Variants in FBXO43 observed in about 807,000 individuals in gnomAD.
The protein encoded by FBXO43 is F-box protein 43.
In FBXO43, 22 loss-of-function variants were observed where a neutral mutation model predicts 56.7. That is an observed-to-expected ratio of 0.39 (90% CI 0.28 to 0.55). The LOEUF (loss-of-function observed/expected upper bound fraction) is 0.55. FBXO43 is among the 20% of genes least tolerant of loss of function. The pLI is 0.66. For missense variants in FBXO43, 733 were observed against 814.9 expected, an observed-to-expected ratio of 0.90 and a Z score of 1.22; for synonymous variants, 306 against 294.5, an observed-to-expected ratio of 1.04 and a Z score of -0.40.
In FBXO43 at chr8:100,145,130, A is replaced by T; in HGVS notation, c.6T>A (p.Ser2Arg). 1 of 1,609,316 alleles carries T rather than the reference A, an allele frequency of 6.2e-7. No homozygotes were observed. Among genetic ancestry groups the T allele is most frequent in the Non-Finnish European group, 8.5e-7 (1 of 1,178,238 alleles). The change falls in exon 1 of 5, where the codon AGT (serine) becomes AGA (arginine). Residue 2 changes from serine to arginine, a missense_variant. Ser to Arg is a moderately radical substitution (Grantham distance 110, BLOSUM62 -1). Transcript: ENST00000428847. ...AAATTCTCTCATCTTTGTCTTTAAA[A>T]CTCATGCCAAAATAATGCCACTTAA... The part of the protein sequence containing the change: M[S>R]FKDKDERISC...
At chr8:100,139,646 A>C (rs370851560) in intron 2 of FBXO43, among the ~76,000 whole-genome samples, 172 of 152,298 alleles carry the variant, frequency 1.1e-3, no homozygotes, top group African/African-American at 4.1e-3. Flanking sequence ...TGGCATGAAC[A>C]GAGTCTCATT....
intron 2 of FBXO43, among the ~76,000 whole-genome samples, chr8:100,140,049 C>G (rs1325268504): frequency 6.6e-6 from 1 of 152,042 alleles, no homozygotes; most frequent in African/African-American, 2.4e-5. Flanking sequence ...TAAACAACTT[C>G]CATGGAATAG....
At chr8:100,148,724 T>G (rs915669443), upstream of FBXO43, among the ~76,000 whole-genome samples, 1 of 151,176 alleles carries the variant, frequency 6.6e-6, no homozygotes, top group Non-Finnish European at 1.5e-5. Flanking sequence ...TTTGCTTTCC[T>G]TTCTTGCATT....
At chr8:100,143,770 T>A (rs1814729603) in intron 1 of FBXO43, among the ~76,000 whole-genome samples, 1 of 151,654 alleles carries the variant, frequency 6.6e-6, no homozygotes, top group South Asian at 2.1e-4. Context: ...TTTTTAATTT[T>A]TAATTTTTTT....
intron 1 of FBXO43, among the ~76,000 whole-genome samples, chr8:100,144,558 C>G (rs1403726607): frequency 6.7e-6 from 1 of 150,306 alleles, no homozygotes; most frequent in East Asian, 2.0e-4. Flanking sequence ...CAAGCCTCTT[C>G]GATATTCATT....
chr8:100,136,378 T>C (rs1450750241), intron 3 of FBXO43, among the ~76,000 whole-genome samples: 1 of 152,232 alleles, frequency 6.6e-6, no homozygotes, highest in Non-Finnish European at 1.5e-5. Flanking sequence ...AATTTACTTA[T>C]AGTATGTTAT....
At chr8:100,134,641 T>C (rs1388268113) in intron 3 of FBXO43, among the ~76,000 whole-genome samples, 3 of 151,542 alleles carry the variant, frequency 2.0e-5, no homozygotes, top group African/African-American at 7.3e-5. Context: ...ATTTTAAACT[T>C]GGTTCAGCAA....
chr8:100,138,007 A>T (rs924240018), intron 2 of FBXO43, among the ~76,000 whole-genome samples: 1 of 152,216 alleles, frequency 6.6e-6, no homozygotes, highest in Non-Finnish European at 1.5e-5. Context: ...AATGATTGTC[A>T]TCTATAACAC....
At chr8:100,143,878 T>C (rs1263849989) in intron 1 of FBXO43, among the ~76,000 whole-genome samples, 1 of 152,184 alleles carries the variant, frequency 6.6e-6, no homozygotes, top group East Asian at 1.9e-4. Flanking sequence ...TTCAACCAAT[T>C]TTCCTGTATC....
In FBXO43 at chr8:100,134,344, C is replaced by A; in HGVS notation, c.1695G>T (p.Glu565Asp). The A allele has an allele frequency of 6.2e-7, 1 of 1,613,530 alleles. No homozygotes were observed. The highest frequency in any genetic ancestry group is 1.1e-5 in the South Asian group (1 of 91,040). ...TDSEGAVLNV[E>D]DAATRLQLLN... ...AAAGCTGGAGCCGAGTGGCAGCATC[C>A]TCGACATTTAATACAGCCCCCTGTG... Residue 565 changes from glutamate to aspartate, a missense_variant, in exon 4 of 5, where the codon GAG becomes GAT. By Grantham distance (45) the Glu-to-Asp change is conservative. Transcript: ENST00000428847.
chr8:100,134,978 G>A (rs1223140121), intron 3 of FBXO43, among the ~76,000 whole-genome samples: 1 of 152,140 alleles, frequency 6.6e-6, no homozygotes, highest in Non-Finnish European at 1.5e-5. Context: ...TTCAGTTCTG[G>A]TGGATAATGG....
intron 2 of FBXO43, among the ~76,000 whole-genome samples, chr8:100,139,886 T>A (rs1023850465): frequency 6.6e-6 from 1 of 152,204 alleles, no homozygotes; most frequent in African/African-American, 2.4e-5. Flanking sequence ...AAGCTAACGA[T>A]TGTTTTTAAA....
chr8:100,135,803 A>T (rs1347376889), intron 3 of FBXO43, among the ~76,000 whole-genome samples: 1 of 152,008 alleles, frequency 6.6e-6, no homozygotes, highest in African/African-American at 2.4e-5. Context: ...CAGGGGTTCC[A>T]CCATGTTGGT....
chr8:100,146,004 C>A (rs1814824845), upstream of FBXO43, among the ~76,000 whole-genome samples: 2 of 152,240 alleles, frequency 1.3e-5, no homozygotes, highest in Admixed American at 1.3e-4. Context: ...AAAGGCTCTG[C>A]TTCTCCCCAT....
chr8:100,150,249 G>A (rs1203106890), upstream of FBXO43, among the ~76,000 whole-genome samples: 2 of 152,188 alleles, frequency 1.3e-5, no homozygotes, highest in African/African-American at 4.8e-5. Flanking sequence ...AAACAATCTG[G>A]AAAAGTGTTT....
In FBXO43 at chr8:100,140,960, A is replaced by G; in HGVS notation, c.1294T>C (p.Phe432Leu). 1 of 1,614,236 alleles carries G rather than the reference A, an allele frequency of 6.2e-7. No homozygotes were observed. The highest frequency in any genetic ancestry group is 8.5e-7 in the Non-Finnish European group (1 of 1,180,034). ...GTCTTTGATAAATTCTTTAAGCTAA[A>G]GGTCAAATCCCCACTCTCATCACTA... ...LSSDESGDLT[F>L]SLKNLSKTPA... The change falls in exon 2 of 5, where the codon TTT (phenylalanine) becomes CTT (leucine). Residue 432 changes from phenylalanine (F) to leucine (L), a missense_variant. Physicochemically the swap from Phe to Leu is conservative, Grantham distance 22 (BLOSUM62 0). Transcript: ENST00000428847.
In FBXO43 at chr8:100,134,791, A is replaced by G. The variant is rs1196956482; in HGVS notation, c.1675-427T>C. 5.9e-5 allele frequency among the ~76,000 whole-genome samples: 9 copies of G among 152,288 alleles called. No individual in the cohort carries two copies. The East Asian group carries it at 1.7e-3, about 29-fold the overall frequency. On this transcript the variant is annotated intron_variant, in intron 3 of 4. Transcript: ENST00000428847. Reference sequence around the variant, plus strand: ...AACAAAAGAGTGGAGAAAACCATCAAATAACTTTCTTTTATAATTTTTTTT... The same window carrying G: ...AACAAAAGAGTGGAGAAAACCATCAGATAACTTTCTTTTATAATTTTTTTT...
At chr8:100,139,137 G>A (rs1768436626) in intron 2 of FBXO43, among the ~76,000 whole-genome samples, 3 of 152,156 alleles carry the variant, frequency 2.0e-5, no homozygotes. Context: ...GTGGCTGTTA[G>A]CAGGTCACTT....
At chr8:100,143,070 C>T (rs1044254756) in intron 1 of FBXO43, among the ~76,000 whole-genome samples, 3 of 152,210 alleles carry the variant, frequency 2.0e-5, no homozygotes, top group Non-Finnish European at 4.4e-5. Context: ...ATATTTTACT[C>T]CTTAAACTTT....
Sources: gnomAD v4.1 joint callset for allele counts (sites outside exome capture counted in the v4.1 genomes callset) on GRCh38, gnomAD v4.1.1 for gene constraint, MANE v1.5 for transcripts, NCBI Gene and HGNC (gene_info 2026-07-23, HGNC 2026-07-21) for gene names.